Variants in HPSE2 observed in about 807,000 individuals in gnomAD.
HPSE2 encodes inactive heparanase-2.
A neutral mutation model predicts 60.5 loss-of-function variants in HPSE2; 38 were observed. That is an observed-to-expected ratio of 0.63 (90% CI 0.48 to 0.82). The LOEUF (loss-of-function observed/expected upper bound fraction) is 0.82, where lower values mean the gene tolerates loss of function less well. Among genes scored for constraint, HPSE2 ranks in the 40% least tolerant of loss-of-function variants. The pLI is 0.00. For missense variants in HPSE2, 713 were observed against 740.4 expected (o/e 0.96, Z 0.43); for synonymous variants, 295 against 293.2 (o/e 1.01, Z -0.06).
intron 3 of HPSE2, among the ~76,000 whole-genome samples, chr10:99,101,543 A>G (rs1197961776): frequency 1.3e-5 from 2 of 152,144 alleles, no homozygotes; most frequent in Admixed American, 6.6e-5. Flanking sequence ...AATAATGGGA[A>G]ACTTTAACAC....
chr10:99,010,173 T>C (rs1426159125), intron 3 of HPSE2, among the ~76,000 whole-genome samples: 3 of 152,246 alleles, frequency 2.0e-5, no homozygotes, highest in Non-Finnish European at 4.4e-5. Context: ...CAAATGAAAC[T>C]TGTAGCAATC....
intron 2 of HPSE2, among the ~76,000 whole-genome samples, chr10:99,168,769 G>C (rs1847184582): frequency 6.6e-6 from 1 of 152,156 alleles, no homozygotes; most frequent in Admixed American, 6.5e-5. Context: ...AGAATCTCTG[G>C]TATAATCTGT....
At chr10:98,865,067 T>C (rs796785156) in intron 3 of HPSE2, among the ~76,000 whole-genome samples, 2 of 152,234 alleles carry the variant, frequency 1.3e-5, no homozygotes, top group South Asian at 4.1e-4. Flanking sequence ...GCATAAAATG[T>C]TGGCATTAAA....
At chr10:98,613,316 C>T (rs1277124079) in intron 9 of HPSE2, among the ~76,000 whole-genome samples, 2 of 152,166 alleles carry the variant, frequency 1.3e-5, no homozygotes, top group African/African-American at 2.4e-5. Context: ...CTCTATGGTT[C>T]CATGCTGAAA....
chr10:99,132,175 AAG>A (rs61081896), intron 3 of HPSE2, among the ~76,000 whole-genome samples: 20,206 of 41,432 alleles, frequency 0.49, 3,312 homozygotes, highest in Non-Finnish European at 0.56. Flanking sequence ...GAAAGAAAGA[AAG>A]AAAGAAAGAA....
At chr10:98,675,024 A>G (rs978743854) in intron 6 of HPSE2, among the ~76,000 whole-genome samples, 1 of 152,246 alleles carries the variant, frequency 6.6e-6, no homozygotes, top group African/African-American at 2.4e-5. Context: ...ATGATAATTA[A>G]TAATTATAAA....
chr10:99,173,980 A>G (rs990898587), intron 2 of HPSE2, among the ~76,000 whole-genome samples: 2 of 150,860 alleles, frequency 1.3e-5, no homozygotes, highest in African/African-American at 2.4e-5. Flanking sequence ...GAACTACAAG[A>G]GTTATAACCA....
chr10:98,796,552 C>T (rs762842377), intron 3 of HPSE2, among the ~76,000 whole-genome samples: 2 of 152,164 alleles, frequency 1.3e-5, no homozygotes, highest in African/African-American at 4.8e-5. Context: ...ACTCCAATCC[C>T]CGGCTCCAAG....
At chr10:98,470,102 G>GGTGTGT (rs55762346) in intron 11 of HPSE2, among the ~76,000 whole-genome samples, 2,157 of 150,360 alleles carry the variant, frequency 0.014, 43 homozygotes, top group African/African-American at 0.049. Context: ...TAGGAAGGCA[G>GGTGTGT]GTGTGTGTGT....
At chr10:98,464,173 T>C (rs1564896958) in intron 11 of HPSE2, among the ~76,000 whole-genome samples, 1 of 152,220 alleles carries the variant, frequency 6.6e-6, no homozygotes, top group East Asian at 1.9e-4. Context: ...AGTCAGCAGT[T>C]TTGGGATTAA....
chr10:99,162,794 CCTT>C (rs1168374037), intron 2 of HPSE2, among the ~76,000 whole-genome samples: 1 of 152,074 alleles, frequency 6.6e-6, no homozygotes, highest in Non-Finnish European at 1.5e-5. Flanking sequence ...AGTGTTGTCC[CCTT>C]CTTTTCTATT....
intron 2 of HPSE2, among the ~76,000 whole-genome samples, chr10:99,146,246 C>A (rs1417248389): frequency 6.6e-6 from 1 of 152,292 alleles, no homozygotes; most frequent in Non-Finnish European, 1.5e-5. Flanking sequence ...AAGTAAATGG[C>A]AGACATTGTT....
chr10:99,261,634 C>T, the HPSE2 span, among the ~76,000 whole-genome samples: 4 of 152,274 alleles, frequency 2.6e-5, no homozygotes, highest in African/African-American at 9.6e-5. Context: ...TTACCCAATC[C>T]GCTCCTGACA....
chr10:98,678,980 A>C (rs1947716504), intron 6 of HPSE2, among the ~76,000 whole-genome samples: 1 of 152,136 alleles, frequency 6.6e-6, no homozygotes, highest in Non-Finnish European at 1.5e-5. Flanking sequence ...ACAAGGTCTA[A>C]AAGAATTGGG....
chr10:98,490,339 C>T, intron 9 of HPSE2, 143 bp from the exon 10 acceptor site: 1 of 1,029,434 alleles, frequency 9.7e-7, no homozygotes, highest in Non-Finnish European at 1.5e-6. Context: ...ATGACCAATG[C>T]AGCCCTAAGC....
rs571979320 is a variant in HPSE2 at position 99,222,632 on chromosome 10, C to T, written c.448+9716G>A. 3.9e-5 allele frequency among the ~76,000 whole-genome samples: 6 copies of T among 152,182 alleles called. No homozygotes were observed. In the South Asian group the frequency reaches 1.2e-3, roughly 32 times the overall value. On this transcript the variant is annotated intron_variant, in intron 2 of 11. Transcript: ENST00000370552. ...ATTTCTCTTTTTTCCTGAAATTTCCCTTACATCAATAACACCATTGATCCA... is the reference window on the plus strand; with the variant it reads ...ATTTCTCTTTTTTCCTGAAATTTCCTTTACATCAATAACACCATTGATCCA...
Position 99,129,322 on chromosome 10 carries a change from T to C in HPSE2, c.610+14916A>G, listed in dbSNP as rs191862953. Among the ~76,000 whole-genome samples the C allele has an allele frequency of 2.6e-5, 4 of 152,308 alleles. No individual in the cohort carries two copies. In the East Asian group the frequency reaches 5.8e-4, roughly 22 times the overall value. ...TTTACAGAACATTCTACTCAACATC[T>C]GTAGAATATACATTCTTTTCATCAG... is the stretch of plus-strand genomic sequence containing the variant. On this transcript the variant is annotated intron_variant, in intron 3 of 11. Coordinates refer to ENST00000370552, the MANE Select transcript of HPSE2 (RefSeq NM_021828.5).
At chr10:99,237,713 A>G (rs1849895900), upstream of HPSE2, among the ~76,000 whole-genome samples, 1 of 152,186 alleles carries the variant, frequency 6.6e-6, no homozygotes, top group South Asian at 2.1e-4. Flanking sequence ...TTTCTAAGAC[A>G]TCTAGATCCT....
intron 3 of HPSE2, among the ~76,000 whole-genome samples, chr10:98,841,114 T>C (rs1589925344): frequency 1.3e-5 from 2 of 152,178 alleles, no homozygotes; most frequent in Non-Finnish European, 2.9e-5. Flanking sequence ...AAATATTAGC[T>C]AAGCCTGGTA....
Sources: allele counts gnomAD v4.1 joint callset (sites outside exome capture counted in the v4.1 genomes callset), GRCh38; gene constraint gnomAD v4.1.1; transcripts MANE v1.5; gene names NCBI Gene and HGNC (gene_info 2026-07-23, HGNC 2026-07-21).